ATRNL1: variants seen among roughly 807,000 people sequenced by gnomAD.
ATRNL1 encodes the protein attractin like 1.
A neutral mutation model predicts 182.7 loss-of-function variants in ATRNL1; 95 were observed. The observed-to-expected ratio is 0.52, with a 90% CI of 0.44 to 0.62. ATRNL1 has a LOEUF of 0.62. Ranked by LOEUF, ATRNL1 falls within the 20% of genes least tolerant of loss-of-function variation. The pLI, the probability that ATRNL1 is intolerant of heterozygous loss-of-function variation, is 0.00. For missense variants in ATRNL1, 1,471 were observed against 1,679.5 expected (o/e 0.88, Z 2.17); for synonymous variants, 576 against 568.3 (o/e 1.01, Z -0.19).
At chr10:115,401,486 G>C (rs923831700) in intron 20 of ATRNL1, among the ~76,000 whole-genome samples, 1 of 152,026 alleles carries the variant, frequency 6.6e-6, no homozygotes, top group African/African-American at 2.4e-5. Flanking sequence ...ACAAATAGCA[G>C]GCTGCTGAAA....
chr10:115,336,989 G>GA (rs1554936901), intron 19 of ATRNL1, among the ~76,000 whole-genome samples: 3 of 141,742 alleles, frequency 2.1e-5, no homozygotes, highest in Non-Finnish European at 4.6e-5. Context: ...GGGGGGGGGG[G>GA]ACTACAGGGG....
intron 26 of ATRNL1, among the ~76,000 whole-genome samples, chr10:115,591,079 C>G (rs1359587687): frequency 6.6e-6 from 1 of 152,172 alleles, no homozygotes; most frequent in Non-Finnish European, 1.5e-5. Context: ...ACTGTACTAG[C>G]ACGTACAAGA....
chr10:115,604,360 T>A (rs554359516), intron 26 of ATRNL1, among the ~76,000 whole-genome samples: 20 of 152,260 alleles, frequency 1.3e-4, no homozygotes, highest in Non-Finnish European at 2.6e-4. Flanking sequence ...TTAAGGTATA[T>A]CCTTTTCGAG....
chr10:115,915,556 G>GTA (rs1318522983), intron 28 of ATRNL1, among the ~76,000 whole-genome samples: 6 of 151,966 alleles, frequency 3.9e-5, no homozygotes, highest in Non-Finnish European at 5.9e-5. Flanking sequence ...ATATGTATTG[G>GTA]TATATATATA....
chr10:115,666,590 C>G (rs1470500785), intron 26 of ATRNL1, among the ~76,000 whole-genome samples: 2 of 151,986 alleles, frequency 1.3e-5, no homozygotes, highest in African/African-American at 2.4e-5. Flanking sequence ...TATTTTTTCC[C>G]CAAAAAGATA....
chr10:115,667,280 G>A (rs554786085), intron 26 of ATRNL1, among the ~76,000 whole-genome samples: 4 of 152,296 alleles, frequency 2.6e-5, no homozygotes, highest in African/African-American at 9.6e-5. Context: ...AGGTATATCA[G>A]TTATCTATTG....
At chr10:115,322,624 G>T (rs976571067) in intron 18 of ATRNL1, among the ~76,000 whole-genome samples, 1 of 151,942 alleles carries the variant, frequency 6.6e-6, no homozygotes, top group African/African-American at 2.4e-5. Context: ...TTGAACTACC[G>T]TCTGGGTCAC....
intron 25 of ATRNL1, among the ~76,000 whole-genome samples, chr10:115,533,545 A>G (rs201522445): frequency 4.6e-4 from 68 of 148,830 alleles, no homozygotes; most frequent in Non-Finnish European, 8.7e-4. Flanking sequence ...GATCCTTTCA[A>G]AAAACCAGCT....
chr10:115,770,467 A>G (rs1948962806), intron 27 of ATRNL1, among the ~76,000 whole-genome samples: 4 of 152,164 alleles, frequency 2.6e-5, no homozygotes, highest in Admixed American at 2.6e-4. Context: ...AATCAGTGAG[A>G]AAGGTAACTG....
chr10:115,412,263 G>A (rs1296544298), intron 20 of ATRNL1, among the ~76,000 whole-genome samples: 2 of 152,068 alleles, frequency 1.3e-5, no homozygotes, highest in Admixed American at 6.6e-5. Context: ...GTCCTATAGT[G>A]GTAAGGAAAT....
At chr10:115,337,475 C>T (rs1472648374) in intron 19 of ATRNL1, among the ~76,000 whole-genome samples, 2 of 152,150 alleles carry the variant, frequency 1.3e-5, no homozygotes, top group African/African-American at 2.4e-5. Context: ...TAACTATACC[C>T]CCTGCCCTCC....
intron 28 of ATRNL1, among the ~76,000 whole-genome samples, chr10:115,886,782 T>C (rs975239604): frequency 2.2e-4 from 34 of 152,364 alleles, no homozygotes; most frequent in Admixed American, 2.2e-3. Context: ...ATACATTTTC[T>C]CAATTTGGGT....
chr10:115,590,168 A>T (rs1592909288), intron 26 of ATRNL1, among the ~76,000 whole-genome samples: 1 of 152,294 alleles, frequency 6.6e-6, no homozygotes, highest in East Asian at 1.9e-4. Flanking sequence ...AGGCCACAGA[A>T]ATTTAAAAGG....
chr10:115,848,052 A>C (rs1253662726), intron 28 of ATRNL1, 61 bp downstream of exon 28: 31 of 907,836 alleles, frequency 3.4e-5, no homozygotes, highest in Non-Finnish European at 5.3e-5. Context: ...CAGAAGAAAT[A>C]AACAATACCA....
At chr10:115,139,580 G>A (rs950481527) in intron 5 of ATRNL1, among the ~76,000 whole-genome samples, 4 of 152,136 alleles carry the variant, frequency 2.6e-5, no homozygotes, top group Non-Finnish European at 5.9e-5. Flanking sequence ...AAGAGCACAG[G>A]AAAGACCTAC....
chr10:115,897,870 G>A (rs1261612112), intron 28 of ATRNL1, among the ~76,000 whole-genome samples: 3 of 151,772 alleles, frequency 2.0e-5, no homozygotes, highest in South Asian at 2.1e-4. Flanking sequence ...CATGTTAGTC[G>A]TAACTTGCAT....
intron 24 of ATRNL1, among the ~76,000 whole-genome samples, chr10:115,516,332 C>T (rs1850634811): frequency 6.6e-6 from 1 of 151,796 alleles, no homozygotes; most frequent in African/African-American, 2.4e-5. Flanking sequence ...AATCTTTCTT[C>T]ATTCACCTGT....
At chr10:115,464,138 A>G (rs1244384168) in intron 22 of ATRNL1, among the ~76,000 whole-genome samples, 3 of 152,044 alleles carry the variant, frequency 2.0e-5, no homozygotes, top group Non-Finnish European at 2.9e-5. Context: ...GTGTTCTGTG[A>G]AGCTTAACGA....
rs374728622 is a variant in ATRNL1, at chr10:115,748,492, G to T, written c.3903+21137G>T. Among the ~76,000 whole-genome samples, 21 of 151,408 alleles carry T rather than the reference G, an allele frequency of 1.4e-4. No individual in the cohort carries two copies. The South Asian group carries it at 4.4e-3, about 32-fold the overall frequency. On this transcript the variant is annotated intron_variant, in intron 27 of 28. Coordinates refer to ENST00000355044, the MANE Select transcript of ATRNL1 (RefSeq NM_207303.4). ...TATGATCATTTTGGTTATTTTTAAA[G>T]GTCTGGAACTTTTTTCTGTCTCTGA...
Sources: gnomAD v4.1 joint callset for allele counts (sites outside exome capture counted in the v4.1 genomes callset) on GRCh38, gnomAD v4.1.1 for gene constraint, MANE v1.5 for transcripts, NCBI Gene and HGNC (gene_info 2026-07-23, HGNC 2026-07-21) for gene names.